The following DIP2C variants were observed in gnomAD, a reference collection of about 807,000 sequenced individuals.
The protein encoded by DIP2C is disco-interacting protein 2 homolog C.
Under a neutral mutation model 192.4 loss-of-function variants are expected in DIP2C, and 33 were observed. The observed-to-expected ratio is 0.17, with a 90% CI of 0.13 to 0.23. DIP2C has a LOEUF of 0.23. Among genes scored for constraint, DIP2C ranks in the 10% least tolerant of loss-of-function variants. DIP2C has a pLI of 1.00. For synonymous variants in DIP2C, 979 were observed against 864.1 expected (o/e 1.13, Z -2.33); for missense variants, 1,537 against 2,110.1 (o/e 0.73, Z 5.32).
At chr10:395,542 T>A (rs936922777) in intron 10 of DIP2C, among the ~76,000 whole-genome samples, 1 of 152,218 alleles carries the variant, frequency 6.6e-6, no homozygotes, top group African/African-American at 2.4e-5. Flanking sequence ...GTGGCTTCCC[T>A]AGCATTCTAT....
chr10:392,815 C>T lies in DIP2C; in HGVS notation c.1261-1952G>A, dbSNP rs1046153955. Among the ~76,000 whole-genome samples the T allele has an allele frequency of 1.0e-4, 15 of 143,924 alleles. No homozygotes were observed. The South Asian group carries it at 2.1e-3, about 20-fold the overall frequency. 94.4% of individuals were successfully genotyped at this position (143,924 alleles called of 152,430 possible). ...CACACACGCGGATGCGCACACTCAG[C>T]GCACACACACACACACGCCCACGCA... On this transcript the variant is annotated intron_variant, in intron 10 of 36. Coordinates refer to ENST00000280886, the MANE Select transcript of DIP2C (RefSeq NM_014974.3).
At position 288,426 on chromosome 10, in the gene DIP2C, A is replaced by G; in HGVS notation, c.3987-5T>C. 1.2e-6 allele frequency: 2 copies of G among 1,614,050 alleles called. No individual in the cohort carries two copies. The highest frequency in any genetic ancestry group is 1.7e-6 in the Non-Finnish European group (2 of 1,179,928). On this transcript the variant is annotated splice_polypyrimidine_tract_variant and splice_region_variant and intron_variant, in intron 32 of 36. Coordinates refer to ENST00000280886, the MANE Select transcript of DIP2C (RefSeq NM_014974.3). The stretch of plus-strand genomic sequence containing the variant: ...CCTCTTTCCACTAAGCGGACTCTGC[A>G]AACAGAAAGAGAAAATATTCCTAGA...
Position 671,718 on chromosome 10 carries a change from A to G in DIP2C, c.85+17776T>C, listed in dbSNP as rs377175767. Among the ~76,000 whole-genome samples the G allele has an allele frequency of 2.9e-3, 344 of 117,702 alleles. 11 individuals carry two copies. The highest frequency in any genetic ancestry group is 0.013 in the East Asian group (39 of 2,992). The allele number at this position is 117,702 out of a possible 152,430, so 77.2% of individuals were successfully genotyped here. A position where few individuals can be genotyped will look rare whatever the true frequency, so the allele number is the denominator to read the frequency against. On this transcript the variant is annotated intron_variant, in intron 1 of 36. Coordinates refer to ENST00000280886, the MANE Select transcript of DIP2C (RefSeq NM_014974.3). ...CGCCACAGACGCACGGACGGAGGAAACGCCACAGACGCACGGACGGAGGAA... is the reference window on the plus strand; with the variant it reads ...CGCCACAGACGCACGGACGGAGGAAGCGCCACAGACGCACGGACGGAGGAA...
intron 1 of DIP2C, among the ~76,000 whole-genome samples, chr10:686,155 G>C (rs1831327304): frequency 1.3e-5 from 2 of 152,114 alleles, no homozygotes. Flanking sequence ...AAAATATTCT[G>C]GGGAAAGGAG....
chr10:474,603 G>A (rs1341282216), intron 2 of DIP2C, among the ~76,000 whole-genome samples: 1 of 152,010 alleles, frequency 6.6e-6, no homozygotes, highest in Non-Finnish European at 1.5e-5. Context: ...GCTCTTCAAT[G>A]CCCCCTCGTC....
intron 6 of DIP2C, among the ~76,000 whole-genome samples, chr10:417,166 C>G (rs1024430124): frequency 5.3e-5 from 8 of 152,028 alleles, no homozygotes; most frequent in African/African-American, 1.9e-4. Context: ...TTCCACCAGG[C>G]CAACGATTCT....
chr10:358,838 G>A (rs1218856225), intron 22 of DIP2C, among the ~76,000 whole-genome samples: 1 of 91,728 alleles, frequency 1.1e-5, no homozygotes, highest in Admixed American at 1.3e-4. Context: ...AGGGATGGGG[G>A]ATGGGCAGGG....
intron 2 of DIP2C, among the ~76,000 whole-genome samples, chr10:482,673 A>G (rs1376314671): frequency 6.6e-6 from 1 of 152,224 alleles, no homozygotes; most frequent in Non-Finnish European, 1.5e-5. Context: ...ATCTGAGCAA[A>G]GAAGGTTCCA....
intron 3 of DIP2C, among the ~76,000 whole-genome samples, chr10:463,541 A>G (rs1969961194): frequency 6.6e-6 from 1 of 152,192 alleles, no homozygotes; most frequent in African/African-American, 2.4e-5. Context: ...GGATAGGAAG[A>G]ATATCATGAA....
At chr10:311,565 G>T (rs1462336712) in intron 31 of DIP2C, 1 of 1,232,442 alleles carries the variant, frequency 8.1e-7, no homozygotes, top group African/African-American at 1.6e-5. Flanking sequence ...CAGCCTGTGA[G>T]GCTACAGCAG....
At chr10:349,938 AC>A (rs1306863524) in intron 24 of DIP2C, among the ~76,000 whole-genome samples, 4 of 152,344 alleles carry the variant, frequency 2.6e-5, no homozygotes, top group Admixed American at 2.6e-4. Flanking sequence ...AACACACCCT[AC>A]AGGAATGAAA....
chr10:356,066 C>T (rs1222383493), intron 24 of DIP2C, among the ~76,000 whole-genome samples: 3 of 152,062 alleles, frequency 2.0e-5, no homozygotes, highest in African/African-American at 7.2e-5. Flanking sequence ...GGCAACAGAG[C>T]GAGACTGCCT....
chr10:617,994 G>T lies in DIP2C; in HGVS notation c.85+71500C>A, dbSNP rs1432764245. ...GTGAGCTCCAAGAGCTTGAGGTCAC[G>T]TCCACCTCACCAGCATCCCAGGACC... is the stretch of plus-strand genomic sequence containing the variant. On this transcript the variant is annotated intron_variant, in intron 1 of 36. Coordinates refer to ENST00000280886, the MANE Select transcript of DIP2C (RefSeq NM_014974.3). Among the ~76,000 whole-genome samples, 9 of 152,140 alleles carry T rather than the reference G, an allele frequency of 5.9e-5. 1 individual carries two copies. The highest frequency in any genetic ancestry group is 5.9e-4 in the Admixed American group (9 of 15,278).
intron 17 of DIP2C, among the ~76,000 whole-genome samples, chr10:372,764 C>A (rs1961135411): frequency 6.6e-6 from 1 of 152,044 alleles, no homozygotes. Flanking sequence ...GCTCCCGACA[C>A]ACAGGTGGGC....
chr10:514,432 G>A (rs753642533), intron 1 of DIP2C, among the ~76,000 whole-genome samples: 9 of 152,186 alleles, frequency 5.9e-5, no homozygotes, highest in East Asian at 1.9e-4. Context: ...AGTTCCAGGC[G>A]TCTTCTTTGT....
At chr10:378,001 T>C (rs943232608) in intron 17 of DIP2C, among the ~76,000 whole-genome samples, 3 of 152,186 alleles carry the variant, frequency 2.0e-5, no homozygotes, top group African/African-American at 7.2e-5. Context: ...ATCATCTACA[T>C]TCTAGAGATG....
intron 1 of DIP2C, among the ~76,000 whole-genome samples, chr10:647,459 A>G (rs1397444237): frequency 1.3e-5 from 2 of 151,060 alleles, no homozygotes; most frequent in Non-Finnish European, 1.5e-5. Context: ...GTGGGCGAGA[A>G]CAGAAGGAAA....
At chr10:440,592 C>A (rs1589802060) in intron 4 of DIP2C, among the ~76,000 whole-genome samples, 1 of 152,122 alleles carries the variant, frequency 6.6e-6, no homozygotes, top group Non-Finnish European at 1.5e-5. Flanking sequence ...CTTTCCCCTA[C>A]AAAGAATTAA....
chr10:662,120 T>G (rs1276415441), intron 1 of DIP2C: 1 of 717,234 alleles, frequency 1.4e-6, no homozygotes, highest in Non-Finnish European at 2.6e-6. Flanking sequence ...ATCTGACAGG[T>G]AAGGACTTCC....
Sources: allele counts gnomAD v4.1 joint callset (sites outside exome capture counted in the v4.1 genomes callset), GRCh38; gene constraint gnomAD v4.1.1; transcripts MANE v1.5; gene names NCBI Gene and HGNC (gene_info 2026-07-23, HGNC 2026-07-21).